PDE3A: variants seen among roughly 807,000 people sequenced by gnomAD.
PDE3A encodes the protein cGMP-inhibited 3',5'-cyclic phosphodiesterase 3A.
PDE3A carries 43 observed loss-of-function variants against 98.3 expected under a neutral mutation model. The observed-to-expected ratio is 0.44, with a 90% CI of 0.34 to 0.56. The LOEUF (loss-of-function observed/expected upper bound fraction) is 0.56, where lower values mean the gene tolerates loss of function less well. PDE3A is among the 20% of genes least tolerant of loss of function. The pLI is 0.01. For missense variants in PDE3A, 1,427 were observed against 1,440.7 expected (o/e 0.99, Z 0.15); for synonymous variants, 663 against 567.9 (o/e 1.17, Z -2.38).
intron 1 of PDE3A, among the ~76,000 whole-genome samples, chr12:20,500,468 GA>G (rs1946001214): frequency 6.6e-6 from 1 of 152,054 alleles, no homozygotes; most frequent in African/African-American, 2.4e-5. Context: ...CTATATTACT[GA>G]AAAACAGTTC....
chr12:20,678,065 G>A (rs545692887), intron 15 of PDE3A, among the ~76,000 whole-genome samples: 36 of 152,110 alleles, frequency 2.4e-4, no homozygotes, highest in Non-Finnish European at 4.1e-4. Flanking sequence ...CCTGGTGTGA[G>A]CTCCCTCTCT....
intron 15 of PDE3A, among the ~76,000 whole-genome samples, chr12:20,677,522 C>T (rs1014919783): frequency 6.6e-6 from 1 of 151,898 alleles, no homozygotes; most frequent in Non-Finnish European, 1.5e-5. Context: ...TGCAGTGGCA[C>T]CATCTTGGCT....
intron 1 of PDE3A, among the ~76,000 whole-genome samples, chr12:20,495,298 T>C (rs1591988684): frequency 6.6e-6 from 1 of 152,014 alleles, no homozygotes; most frequent in East Asian, 1.9e-4. Flanking sequence ...GCACTTAGCA[T>C]AACAGCTAAA....
At chr12:20,460,792 AGAG>A (rs1945233342) in intron 1 of PDE3A, among the ~76,000 whole-genome samples, 2 of 152,206 alleles carry the variant, frequency 1.3e-5, no homozygotes, top group South Asian at 4.1e-4. Flanking sequence ...TGGCGATCTC[AGAG>A]GAGTTCTGTA....
At chr12:20,546,699 C>A (rs190740380) in intron 1 of PDE3A, among the ~76,000 whole-genome samples, 24 of 152,142 alleles carry the variant, frequency 1.6e-4, no homozygotes, top group African/African-American at 5.1e-4. Flanking sequence ...TGCTCTCATG[C>A]ATTTTGTGAC....
intron 15 of PDE3A, among the ~76,000 whole-genome samples, chr12:20,672,262 G>A (rs1313125786): frequency 1.4e-5 from 2 of 147,312 alleles, no homozygotes; most frequent in African/African-American, 5.1e-5. Flanking sequence ...CGTGAAAATG[G>A]CCATACTGCC....
intron 1 of PDE3A, among the ~76,000 whole-genome samples, chr12:20,446,559 G>A (rs1240310579): frequency 6.6e-6 from 1 of 152,102 alleles, no homozygotes; most frequent in Non-Finnish European, 1.5e-5. Flanking sequence ...TGGATGCCAG[G>A]TATACATCAT....
At chr12:20,472,421 G>T (rs1945454743) in intron 1 of PDE3A, among the ~76,000 whole-genome samples, 1 of 152,052 alleles carries the variant, frequency 6.6e-6, no homozygotes, top group South Asian at 2.1e-4. Flanking sequence ...CCCTCCCACT[G>T]CAAACCCCAG....
intron 10 of PDE3A, among the ~76,000 whole-genome samples, chr12:20,643,110 T>C (rs917111458): frequency 1.3e-5 from 2 of 152,076 alleles, no homozygotes; most frequent in Admixed American, 6.6e-5. Flanking sequence ...AGTGTATGCA[T>C]GTGCGTCTAT....
At chr12:20,597,446 T>C (rs1292841238) in intron 2 of PDE3A, among the ~76,000 whole-genome samples, 2 of 152,212 alleles carry the variant, frequency 1.3e-5, no homozygotes, top group East Asian at 3.9e-4. Context: ...TTGCTATCTG[T>C]CTTTCACCCT....
At chr12:20,572,809 A>G (rs1942832136) in intron 2 of PDE3A, among the ~76,000 whole-genome samples, 1 of 152,128 alleles carries the variant, frequency 6.6e-6, no homozygotes, top group African/African-American at 2.4e-5. Context: ...ATTCACTGCC[A>G]CGGTCCTTCC....
At chr12:20,445,186 A>G (rs974924204) in intron 1 of PDE3A, among the ~76,000 whole-genome samples, 1 of 152,192 alleles carries the variant, frequency 6.6e-6, no homozygotes, top group Non-Finnish European at 1.5e-5. Context: ...GTAGAAACAA[A>G]TGGAAGTCGA....
intron 1 of PDE3A, among the ~76,000 whole-genome samples, chr12:20,432,250 T>A (rs1344017024): frequency 6.6e-6 from 1 of 152,170 alleles, no homozygotes; most frequent in African/African-American, 2.4e-5. Flanking sequence ...ATTGTTGAAT[T>A]CTTACTATGT....
intron 1 of PDE3A, among the ~76,000 whole-genome samples, chr12:20,460,187 G>A (rs1364840658): frequency 6.6e-6 from 1 of 152,200 alleles, no homozygotes; most frequent in Non-Finnish European, 1.5e-5. Context: ...CTGACAAGAA[G>A]CCAGCTGGCT....
At chr12:20,651,264 A>C (rs1592148204) in intron 14 of PDE3A, among the ~76,000 whole-genome samples, 1 of 152,198 alleles carries the variant, frequency 6.6e-6, no homozygotes, top group African/African-American at 2.4e-5. Flanking sequence ...CACCCATCAG[A>C]ATGCACTTGA....
intron 2 of PDE3A, among the ~76,000 whole-genome samples, chr12:20,570,438 A>AAAAAAAAAAAAAAAT (rs869268302): frequency 2.2e-5 from 3 of 138,510 alleles, no homozygotes; most frequent in African/African-American, 7.7e-5. Context: ...AAAAAAAAAA[A>AAAAAAAAAAAAAAAT]GGTGTAAAGG....
At chr12:20,531,232 G>A (rs76277737) in intron 1 of PDE3A, among the ~76,000 whole-genome samples, 2,381 of 152,230 alleles carry the variant, frequency 0.016, 74 homozygotes, top group African/African-American at 0.055. Context: ...AAACCTAACT[G>A]CATCTAGGTA....
At chr12:20,437,722 A>G (rs183925643) in intron 1 of PDE3A, among the ~76,000 whole-genome samples, 2 of 152,252 alleles carry the variant, frequency 1.3e-5, no homozygotes, top group Admixed American at 6.5e-5. Context: ...CATCACCTCT[A>G]ATCAGGCCTA....
intron 3 of PDE3A, among the ~76,000 whole-genome samples, chr12:20,614,816 T>G (rs1943959727): frequency 6.6e-6 from 1 of 152,130 alleles, no homozygotes; most frequent in Non-Finnish European, 1.5e-5. Context: ...TGACATATAA[T>G]TCACTTCTCA....
Sources: allele counts gnomAD v4.1 joint callset (sites outside exome capture counted in the v4.1 genomes callset), GRCh38; gene constraint gnomAD v4.1.1; transcripts MANE v1.5; gene names NCBI Gene and HGNC (gene_info 2026-07-23, HGNC 2026-07-21).